Variants in SULF1 observed in about 807,000 individuals in gnomAD.
SULF1 encodes the protein extracellular sulfatase Sulf-1.
Under a neutral mutation model 110.5 loss-of-function variants are expected in SULF1, and 46 were observed. The observed-to-expected ratio is 0.42, with a 90% confidence interval of 0.33 to 0.53. The LOEUF (loss-of-function observed/expected upper bound fraction) is 0.53. SULF1 is among the 20% of genes least tolerant of loss of function. SULF1 has a pLI of 0.12. For missense variants in SULF1, 941 were observed against 1,094.2 expected (o/e 0.86, Z 1.98); for synonymous variants, 371 against 387.1 (o/e 0.96, Z 0.49).
At chr8:69,546,436 C>G (rs1475399240) in intron 3 of SULF1, among the ~76,000 whole-genome samples, 1 of 152,176 alleles carries the variant, frequency 6.6e-6, no homozygotes, top group Non-Finnish European at 1.5e-5. Flanking sequence ...TTCTGCTGCC[C>G]TCTCCCCGTG....
At chr8:69,527,216 G>A (rs1157356750) in intron 3 of SULF1, among the ~76,000 whole-genome samples, 3 of 152,026 alleles carry the variant, frequency 2.0e-5, no homozygotes, top group Non-Finnish European at 4.4e-5. Context: ...TGGATTCAGA[G>A]CTTCATTTTA....
At chr8:69,470,817 C>T (rs142507655) in intron 1 of SULF1, among the ~76,000 whole-genome samples, 60 of 152,290 alleles carry the variant, frequency 3.9e-4, no homozygotes, top group African/African-American at 1.3e-3. Flanking sequence ...CATTTCTCCC[C>T]GCCAAATCCC....
At chr8:69,600,866 A>G in intron 9 of SULF1, 113 bp downstream of exon 9, 1 of 1,219,116 alleles carries the variant, frequency 8.2e-7, no homozygotes, top group Non-Finnish European at 1.1e-6. Context: ...CATCATTTTG[A>G]GAGAGAAAGA....
intron 21 of SULF1, among the ~76,000 whole-genome samples, chr8:69,640,542 T>C (rs1316631745): frequency 6.6e-6 from 1 of 152,236 alleles, no homozygotes; most frequent in African/African-American, 2.4e-5. Flanking sequence ...TCCCACTGCT[T>C]TTAAGTGGGC....
chr8:69,639,872 T>C (rs1435974724), intron 21 of SULF1, among the ~76,000 whole-genome samples: 2 of 152,204 alleles, frequency 1.3e-5, no homozygotes, highest in Non-Finnish European at 2.9e-5. Flanking sequence ...CAAAGGCTTT[T>C]GAGTTCTGGG....
rs1815663385 is a variant in SULF1 at position 69,563,566 on chromosome 8, C to G, written c.-106C>G. ...CCCTATCTGCAGATGTTCTGAATACCTCTGAGAATAGAGATTGATTATTCA... is the reference window on the plus strand; with the variant it reads ...CCCTATCTGCAGATGTTCTGAATACGTCTGAGAATAGAGATTGATTATTCA... On this transcript the variant is annotated 5_prime_UTR_variant, in exon 4 of 23. Coordinates refer to ENST00000402687, the MANE Select transcript of SULF1 (RefSeq NM_001128205.2). 1 of 170,946 alleles carries G rather than the reference C, an allele frequency of 5.8e-6. No homozygotes were observed. Among genetic ancestry groups the G allele is most frequent in the Non-Finnish European group, 1.3e-5 (1 of 79,202 alleles). 10.6% of individuals were successfully genotyped at this position (170,946 alleles called of 1,614,324 possible).
At chr8:69,509,307 T>C (rs1811405943) in intron 3 of SULF1, among the ~76,000 whole-genome samples, 2 of 152,196 alleles carry the variant, frequency 1.3e-5, no homozygotes, top group Non-Finnish European at 2.9e-5. Flanking sequence ...TTTTTAATGG[T>C]TGGCAAAAAT....
chr8:69,482,411 A>G (rs1160030855), intron 1 of SULF1, among the ~76,000 whole-genome samples: 2 of 152,230 alleles, frequency 1.3e-5, no homozygotes, highest in East Asian at 3.8e-4. Flanking sequence ...ATCATGCCAC[A>G]TAACTAAGTA....
intron 5 of SULF1, 115 bp downstream of exon 5, chr8:69,564,262 C>G: frequency 8.0e-7 from 1 of 1,252,666 alleles, no homozygotes; most frequent in Non-Finnish European, 1.1e-6. Flanking sequence ...CATTAACCAA[C>G]ACCCTAGTTT....
intron 3 of SULF1, among the ~76,000 whole-genome samples, chr8:69,531,173 C>T (rs908888309): frequency 4.6e-5 from 7 of 152,202 alleles, no homozygotes; most frequent in African/African-American, 1.4e-4. Flanking sequence ...ACTGACTTCT[C>T]AGTGAACATG....
intron 1 of SULF1, among the ~76,000 whole-genome samples, chr8:69,486,944 C>T (rs940651390): frequency 1.3e-5 from 2 of 152,170 alleles, no homozygotes; most frequent in African/African-American, 2.4e-5. Flanking sequence ...TTGATTTACA[C>T]GTCCTTGATT....
At chr8:69,495,068 G>T (rs148165389) in intron 1 of SULF1, among the ~76,000 whole-genome samples, 12 of 152,222 alleles carry the variant, frequency 7.9e-5, no homozygotes, top group African/African-American at 2.9e-4. Flanking sequence ...TTAGTTTTGG[G>T]CCTGGGCTAC....
At chr8:69,581,133 G>T (rs1277394745) in intron 6 of SULF1, among the ~76,000 whole-genome samples, 2 of 152,154 alleles carry the variant, frequency 1.3e-5, no homozygotes, top group Non-Finnish European at 2.9e-5. Flanking sequence ...TTACAATCTA[G>T]TTGAGGAAAC....
intron 3 of SULF1, among the ~76,000 whole-genome samples, chr8:69,526,833 GGAAGGA>G (rs1812719886): frequency 7.0e-6 from 1 of 142,408 alleles, no homozygotes; most frequent in African/African-American, 2.9e-5. Flanking sequence ...AAGGAAGGAA[GGAAGGA>G]AGGGAGGAAG....
intron 3 of SULF1, among the ~76,000 whole-genome samples, chr8:69,539,477 G>A (rs1813712702): frequency 6.6e-6 from 1 of 152,124 alleles, no homozygotes; most frequent in Non-Finnish European, 1.5e-5. Flanking sequence ...AGATATGACT[G>A]CAAACACCAA....
At chr8:69,608,228 G>A (rs181524096) in intron 13 of SULF1, among the ~76,000 whole-genome samples, 3 of 152,176 alleles carry the variant, frequency 2.0e-5, no homozygotes, top group African/African-American at 4.8e-5. Context: ...CTCTAAAATA[G>A]AGAAAATTAA....
chr8:69,543,436 A>G (rs1430465001), intron 3 of SULF1, among the ~76,000 whole-genome samples: 1 of 148,146 alleles, frequency 6.8e-6, no homozygotes. Flanking sequence ...ATGTGTTCTC[A>G]TTGCTCAGCT....
chr8:69,622,900 G>A (rs917921667), intron 14 of SULF1, among the ~76,000 whole-genome samples: 2 of 152,038 alleles, frequency 1.3e-5, no homozygotes, highest in African/African-American at 2.4e-5. Flanking sequence ...TCCCTGATCT[G>A]GAAACTGCAG....
rs754304046 is a variant in SULF1, at chr8:69,621,167, T to C, written c.1510T>C (p.Cys504Arg). 4.1e-5 allele frequency: 66 copies of C among 1,613,660 alleles called. No homozygotes were observed. The highest frequency in any genetic ancestry group is 5.5e-5 in the Non-Finnish European group (65 of 1,179,942). The change falls in exon 14 of 23, where the codon TGC (cysteine) becomes CGC (arginine). Residue 504 changes from cysteine (C) to arginine (R), a missense_variant. By Grantham distance (180) the Cys-to-Arg change is radical. Coordinates refer to ENST00000402687, the MANE Select transcript of SULF1 (RefSeq NM_001128205.2). ...ARGFHDKDKECSCRESGYRAS... is the reference protein window; with the variant it reads ...ARGFHDKDKERSCRESGYRAS... ...CGGCTTCCATGACAAAGACAAAGAG[T>C]GCAGTTGTAGGGAGTCTGGTTACCG... is the stretch of plus-strand genomic sequence containing the variant.
Sources: gnomAD v4.1 joint callset for allele counts (sites outside exome capture counted in the v4.1 genomes callset) on GRCh38, gnomAD v4.1.1 for gene constraint, MANE v1.5 for transcripts, NCBI Gene and HGNC (gene_info 2026-07-23, HGNC 2026-07-21) for gene names.